Variants in MPP1 observed in about 807,000 individuals in gnomAD.
MPP1 encodes the protein MAGUK p55 scaffold protein 1.
In MPP1, 6 loss-of-function variants were observed where a neutral mutation model predicts 38.2. The ratio of observed to expected loss-of-function variants is 0.16; its 90% CI spans 0.09 to 0.31. The LOEUF (loss-of-function observed/expected upper bound fraction) is 0.31. Among genes scored for constraint, MPP1 ranks in the 10% least tolerant of loss-of-function variants. The pLI is 1.00. For missense variants in MPP1, 293 were observed against 368.9 expected (o/e 0.79, Z 1.69); for synonymous variants, 153 against 146.3 (o/e 1.05, Z -0.33).
intron 1 of MPP1, among the ~76,000 whole-genome samples, chrX:154,802,126 G>A (rs1213636602): frequency 8.9e-6 from 1 of 112,214 alleles, no homozygotes; most frequent in Non-Finnish European, 1.9e-5. Context: ...CCGTGCACAG[G>A]CTGTTCCCTC....
At chrX:154,782,960 C>T (rs1372394905) in intron 9 of MPP1, 7 of 112,586 alleles carry the variant, frequency 6.2e-5, no homozygotes, top group South Asian at 3.7e-4. Context: ...TGGCGCTACT[C>T]TTCTCCATAT....
Position 154,805,196 on chromosome X carries a change from A to C in MPP1, c.102+76T>G, listed in dbSNP as rs5987032. 6.9e-3 allele frequency: 6,876 copies of C among 992,486 alleles called. 289 individuals are homozygous for C. In the African/African-American group the frequency reaches 0.11, roughly 16 times the overall value. 81.8% of individuals were successfully genotyped at this position (992,486 alleles called of 1,213,427 possible). Reference sequence around the variant, plus strand: ...AAGGACAGGCCCCCCGGGGACAGGGACCGGGACAGGGAAAGTCCCGAGATG... The same window carrying C: ...AAGGACAGGCCCCCCGGGGACAGGGCCCGGGACAGGGAAAGTCCCGAGATG... On this transcript the variant is annotated intron_variant, in intron 1 of 11. Transcript: ENST00000369534.
At position 154,783,498 on chromosome X, in the gene MPP1, C is replaced by G; in HGVS notation, c.875G>C (p.Gly292Ala). ...RKTLVLIGAS[G>A]VGRSHIKNAL... is the part of the protein sequence containing the mutation. Reference sequence around the variant, plus strand: ...ATTCTTAATGTGGCTGCGACCCACCCCACTGGCTCCTGTGTAGAGAGAGAA... The same window carrying G: ...ATTCTTAATGTGGCTGCGACCCACCGCACTGGCTCCTGTGTAGAGAGAGAA... Residue 292 changes from glycine (G) to alanine (A), a missense_variant, in exon 9 of 12, where the codon GGG (glycine) becomes GCG (alanine). Coordinates refer to ENST00000369534, the MANE Select transcript of MPP1 (RefSeq NM_002436.4). 3 of 1,206,009 alleles carry G rather than the reference C, an allele frequency of 2.5e-6. No homozygotes were observed. Among genetic ancestry groups the G allele is most frequent in the Non-Finnish European group, 3.4e-6 (3 of 891,550 alleles).
At chrX:154,802,367 G>C (rs187629305) in intron 1 of MPP1, among the ~76,000 whole-genome samples, 1 of 111,840 alleles carries the variant, frequency 8.9e-6, no homozygotes, top group Non-Finnish European at 1.9e-5. Flanking sequence ...GACCACCAGC[G>C]GGGAGTAATG....
intron 1 of MPP1, 140 bp downstream of exon 1, chrX:154,805,132 G>A: frequency 3.4e-6 from 2 of 584,674 alleles, no homozygotes; most frequent in South Asian, 5.9e-5. Flanking sequence ...TCCTCACCCC[G>A]CCGGCTATCG....
intron 1 of MPP1, chrX:154,804,648 A>G (rs145708638): frequency 0.025 from 8,375 of 334,305 alleles, 270 homozygotes; most frequent in Admixed American, 0.13. Flanking sequence ...AGTGTTGTAA[A>G]CCAGCGAGTT....
intron 9 of MPP1, chrX:154,782,469 T>C: frequency 9.0e-6 from 1 of 111,700 alleles, no homozygotes; most frequent in East Asian, 2.8e-4. Flanking sequence ...TATTTCTGCT[T>C]CCCCACTCAC....
chrX:154,783,831 T>A (rs2072037382), intron 8 of MPP1, 197 bp downstream of exon 8: 1 of 444,706 alleles, frequency 2.2e-6, no homozygotes. Flanking sequence ...GAGAAACTTG[T>A]AAGGTTTAGT....
chrX:154,778,960 T>C lies in MPP1; in HGVS notation c.*217A>G. 3 of 379,341 alleles carry C rather than the reference T, an allele frequency of 7.9e-6. No homozygotes were observed. The South Asian group carries it at 2.1e-4, about 26-fold the overall frequency. 31.3% of individuals were successfully genotyped at this position (379,341 alleles called of 1,213,427 possible). A position where few individuals can be genotyped will look rare whatever the true frequency, so the allele number is the denominator to read the frequency against. ...TTACCCCCAATTTCTAGAAATCCTT[T>C]TCAAATCCAGATCAGTGGGGCCCCA... On this transcript the variant is annotated 3_prime_UTR_variant, in exon 12 of 12. Transcript: ENST00000369534.
Position 154,805,295 on chromosome X carries a change from G to A in MPP1, c.79C>T (p.Leu27=). Residue 27 remains leucine (L), a synonymous_variant, in exon 1 of 12, where the codon CTG becomes TTG. Coordinates refer to ENST00000369534, the MANE Select transcript of MPP1 (RefSeq NM_002436.4). The part of the protein sequence containing the change: ...ALSDLYLEHL[L]QKRSRPEAVS... ...ACCTCTGGCCGACTACGCTTCTGCA[G>A]CAAATGCTCCAGGTAGAGGTCGGAG... The A allele has an allele frequency of 8.3e-7, 1 of 1,207,232 alleles. No individual in the cohort carries two copies. The highest frequency in any genetic ancestry group is 1.1e-6 in the Non-Finnish European group (1 of 892,967).
Position 154,781,636 on chromosome X carries a change from C to G in MPP1, c.1113G>C (p.Lys371Asn). The change falls in exon 10 of 12, where the codon AAG becomes AAC. Residue 371 changes from lysine to asparagine, a missense_variant. By Grantham distance (94) the Lys-to-Asn change is moderately conservative. Transcript: ENST00000369534. ...TKFETVHQIH[K>N]QNKIAILDIE... ...TGTCAAGGATGGCAATCTTGTTCTGCTTATGGATCTGGTGCACTGTTTCAA... is the reference window on the plus strand; with the variant it reads ...TGTCAAGGATGGCAATCTTGTTCTGGTTATGGATCTGGTGCACTGTTTCAA... 2.5e-6 allele frequency: 3 copies of G among 1,211,430 alleles called. No individual in the cohort carries two copies. The highest frequency in any genetic ancestry group is 3.3e-6 in the Non-Finnish European group (3 of 895,533).
chrX:154,779,439 A>C, intron 11 of MPP1, 86 bp from the exon 12 acceptor site: 1 of 858,946 alleles, frequency 1.2e-6, no homozygotes, highest in African/African-American at 2.0e-5. Context: ...AGCAATTGTT[A>C]GCGTTGCTCA....
intron 1 of MPP1, among the ~76,000 whole-genome samples, chrX:154,795,534 G>A (rs1196732556): frequency 8.9e-6 from 1 of 111,805 alleles, no homozygotes; most frequent in African/African-American, 3.3e-5. Flanking sequence ...GGAGGCTGAG[G>A]TGGGAGGATC....
chrX:154,784,290 A>G (rs1557266965), intron 7 of MPP1, among the ~76,000 whole-genome samples, 182 bp from the exon 8 acceptor site: 2 of 110,493 alleles, frequency 1.8e-5, no homozygotes, highest in African/African-American at 6.6e-5. Context: ...GTGGTGAGGG[A>G]ATTTTGAGCA....
intron 1 of MPP1, 57 bp downstream of exon 1, chrX:154,805,215 C>G (rs936350169): frequency 1.6e-5 from 18 of 1,095,267 alleles, no homozygotes; most frequent in South Asian, 5.9e-5. Context: ...GGGAAAGTCC[C>G]GAGATGAATG....
intron 1 of MPP1, among the ~76,000 whole-genome samples, chrX:154,802,394 A>T (rs971995085): frequency 6.3e-5 from 7 of 111,480 alleles, no homozygotes; most frequent in African/African-American, 2.3e-4. Context: ...GTGATGGCCT[A>T]AGAACCAAGA....
chrX:154,805,264 C>A lies in MPP1; in HGVS notation c.102+8G>T, dbSNP rs2072308336. ...CCAGCGCCCTTGGGACTAGCGGGGCCCGCTCACCTCTGGCCGACTACGCTT... is the reference window on the plus strand; with the variant it reads ...CCAGCGCCCTTGGGACTAGCGGGGCACGCTCACCTCTGGCCGACTACGCTT... On this transcript the variant is annotated splice_region_variant and intron_variant, in intron 1 of 11. Coordinates refer to ENST00000369534, the MANE Select transcript of MPP1 (RefSeq NM_002436.4). The A allele has an allele frequency of 8.4e-7, 1 of 1,193,787 alleles. No homozygotes were observed. Among genetic ancestry groups the A allele is most frequent in the Non-Finnish European group, 1.1e-6 (1 of 885,464 alleles).
At chrX:154,798,223 A>G (rs1238870754) in intron 1 of MPP1, among the ~76,000 whole-genome samples, 1 of 112,312 alleles carries the variant, frequency 8.9e-6, no homozygotes, top group African/African-American at 3.2e-5. Flanking sequence ...CACTTTATTA[A>G]AAAACCAAAC....
At chrX:154,782,920 G>A (rs1206169872) in intron 9 of MPP1, 1 of 112,397 alleles carries the variant, frequency 8.9e-6, no homozygotes, top group Non-Finnish European at 1.9e-5. Flanking sequence ...TCTGGGAATG[G>A]AAGAGTTATC....
Sources: allele counts gnomAD v4.1 joint callset (sites outside exome capture counted in the v4.1 genomes callset), GRCh38; gene constraint gnomAD v4.1.1; transcripts MANE v1.5; gene names NCBI Gene and HGNC (gene_info 2026-07-23, HGNC 2026-07-21).